The following EGLN1 variants were observed in gnomAD, a reference collection of about 807,000 sequenced individuals.
EGLN1 encodes egl-9 family hypoxia inducible factor 1.
A neutral mutation model predicts 38.3 loss-of-function variants in EGLN1; 17 were observed. That is an observed-to-expected ratio of 0.44 (90% CI 0.30 to 0.67). The LOEUF (loss-of-function observed/expected upper bound fraction) is 0.67. EGLN1 is among the 30% of genes least tolerant of loss of function. EGLN1 has a pLI of 0.08. For synonymous variants in EGLN1, 283 were observed against 257.5 expected, an observed-to-expected ratio of 1.10 and a Z score of -0.95; for missense variants, 477 against 603.3, an observed-to-expected ratio of 0.79 and a Z score of 2.19.
chr1:231,412,271 T>C (rs2790868), intron 1 of EGLN1, among the ~76,000 whole-genome samples: 5 of 152,156 alleles, frequency 3.3e-5, no homozygotes, highest in African/African-American at 1.2e-4. Context: ...CATACAGTCA[T>C]GTATTGATAA....
At chr1:231,393,038 T>C (rs934079110) in intron 1 of EGLN1, among the ~76,000 whole-genome samples, 2 of 152,224 alleles carry the variant, frequency 1.3e-5, no homozygotes, top group Non-Finnish European at 2.9e-5. Flanking sequence ...CCAGGATTTT[T>C]GTCAAAGCCC....
Position 231,388,333 on chromosome 1 carries a change from C to T in EGLN1, c.892-14234G>A, listed in dbSNP as rs191048372. ...TTTAAAATCTTGAAAAATATTCTCA[C>T]ATATGTGGTTGATAAGACGGTGAAA... On this transcript the variant is annotated intron_variant, in intron 1 of 4. Transcript: ENST00000366641. Among the ~76,000 whole-genome samples, 255 of 152,300 alleles carry T rather than the reference C, an allele frequency of 1.7e-3. 1 individual carries two copies. The highest frequency in any genetic ancestry group is 5.9e-3 in the African/African-American group (245 of 41,558).
intron 1 of EGLN1, among the ~76,000 whole-genome samples, chr1:231,384,856 G>A (rs910550848): frequency 2.6e-5 from 4 of 152,114 alleles, no homozygotes; most frequent in Non-Finnish European, 2.9e-5. Flanking sequence ...CCCCAACTCC[G>A]GTCTAGCAGC....
chr1:231,406,658 A>T (rs1688804266), intron 1 of EGLN1, among the ~76,000 whole-genome samples: 1 of 152,124 alleles, frequency 6.6e-6, no homozygotes, highest in East Asian at 1.9e-4. Flanking sequence ...ATGCTTAAAA[A>T]TGTTTAGTTT....
At position 231,370,540 on chromosome 1, in the gene EGLN1, T is replaced by A. The variant is rs546933852; in HGVS notation, c.1148+22A>T. The A allele has an allele frequency of 1.7e-5, 27 of 1,612,820 alleles. No individual in the cohort carries two copies. In the African/African-American group the frequency reaches 2.0e-4, roughly 12 times the overall value. Reference sequence around the variant, plus strand: ...CTGTCCTACCATACTCTAAACCAATTTTTTCTGAAAAGGAATACTACCTTG... The same window carrying A: ...CTGTCCTACCATACTCTAAACCAATATTTTCTGAAAAGGAATACTACCTTG... On this transcript the variant is annotated intron_variant, in intron 3 of 4. Transcript: ENST00000366641.
At chr1:231,375,945 T>C (rs1687947425) in intron 1 of EGLN1, among the ~76,000 whole-genome samples, 1 of 152,194 alleles carries the variant, frequency 6.6e-6, no homozygotes, top group African/African-American at 2.4e-5. Flanking sequence ...CCTTTCCAAC[T>C]ATCTGGTAAC....
rs747091749 is a variant in EGLN1, at chr1:231,366,372, A to G, written c.*39T>C. On this transcript the variant is annotated 3_prime_UTR_variant, in exon 5 of 5. Transcript: ENST00000366641. ...TTCACAAGTTAACAAATAGTTAACA[A>G]TATTGTAGGTGAAGTGGGGTATTGC... is the stretch of plus-strand genomic sequence containing the variant. 6.3e-7 allele frequency: 1 copy of G among 1,595,856 alleles called. No individual in the cohort carries two copies. Among genetic ancestry groups the G allele is most frequent in the Non-Finnish European group, 8.6e-7 (1 of 1,163,744 alleles).
At chr1:231,403,290 T>C (rs549537335) in intron 1 of EGLN1, among the ~76,000 whole-genome samples, 20 of 152,306 alleles carry the variant, frequency 1.3e-4, no homozygotes, top group East Asian at 7.8e-4. Flanking sequence ...TATATCCTTG[T>C]TGATTTCCTA....
chr1:231,389,453 AT>A lies in EGLN1; in HGVS notation c.892-15355del. 2.0e-5 allele frequency among the ~76,000 whole-genome samples: 3 copies of A among 152,332 alleles called. 1 individual carries two copies. The highest frequency in any genetic ancestry group is 4.4e-5 in the Non-Finnish European group (3 of 68,038). On this transcript the variant is annotated intron_variant, in intron 1 of 4. Coordinates refer to ENST00000366641, the MANE Select transcript of EGLN1 (RefSeq NM_022051.3). The stretch of plus-strand genomic sequence containing the variant: ...AAAAGTGGCCAAAATAGTGACAGCA[AT>A]ATCCAGCGAGTAACAGTGGCAATAA...
chr1:231,412,824 G>A (rs1390556307), intron 1 of EGLN1, among the ~76,000 whole-genome samples: 2 of 152,256 alleles, frequency 1.3e-5, no homozygotes, highest in African/African-American at 4.8e-5. Context: ...GGCAAGAGAA[G>A]AAAAGCAGAA....
chr1:231,412,301 A>G (rs192262079), intron 1 of EGLN1, among the ~76,000 whole-genome samples: 97 of 152,244 alleles, frequency 6.4e-4, no homozygotes, highest in African/African-American at 2.0e-3. Context: ...ACTATTTTTG[A>G]TATTTTACGG....
At chr1:231,400,313 A>G (rs1572040424) in intron 1 of EGLN1, among the ~76,000 whole-genome samples, 1 of 143,436 alleles carries the variant, frequency 7.0e-6, no homozygotes, top group Non-Finnish European at 1.6e-5. Flanking sequence ...GTATATATAT[A>G]TTTTCTCCAT....
Position 231,421,321 on chromosome 1 carries a change from C to A in EGLN1, c.568G>T (p.Ala190Ser), listed in dbSNP as rs780528085. 61 of 1,612,330 alleles carry A rather than the reference C, an allele frequency of 3.8e-5. No homozygotes were observed. Among genetic ancestry groups the A allele is most frequent in the Non-Finnish European group, 5.0e-5 (59 of 1,179,692 alleles). The change falls in exon 1 of 5, where the codon GCG (alanine) becomes TCG (serine). Residue 190 changes from alanine to serine, a missense_variant. Physicochemically the swap from Ala to Ser is moderately conservative, Grantham distance 99. This residue lies in a region of EGLN1 where 298 missense variants were observed against 288.9 expected (regional missense o/e 1.03). Transcript: ENST00000366641. The surrounding 1 kb of genome is among the most constrained non-coding windows in gnomAD (Gnocchi z 5.5). ...RPNGQTKPLPALKLALEYIVP... is the reference protein window; with the variant it reads ...RPNGQTKPLPSLKLALEYIVP... ...ATGTACTCGAGCGCCAGCTTCAGCG[C>A]CGGCAGGGGCTTCGTCTGCCCGTTG...
At chr1:231,399,730 C>T (rs910016174) in intron 1 of EGLN1, among the ~76,000 whole-genome samples, 1 of 151,924 alleles carries the variant, frequency 6.6e-6, no homozygotes. Context: ...AGATAACTTG[C>T]TAGCATCATA....
chr1:231,379,860 C>T (rs1180175026), intron 1 of EGLN1, among the ~76,000 whole-genome samples: 2 of 152,162 alleles, frequency 1.3e-5, no homozygotes, highest in Non-Finnish European at 2.9e-5. Flanking sequence ...TATTCAAGAA[C>T]CTGCTGTACT....
At chr1:231,367,980 G>A (rs772683589) in intron 3 of EGLN1, among the ~76,000 whole-genome samples, 6 of 151,992 alleles carry the variant, frequency 3.9e-5, no homozygotes, top group South Asian at 2.1e-4. Flanking sequence ...TCAGGACTTC[G>A]AGACCAACCT....
chr1:231,407,842 T>C (rs970843925), intron 1 of EGLN1, among the ~76,000 whole-genome samples: 1 of 151,998 alleles, frequency 6.6e-6, no homozygotes, highest in Admixed American at 6.6e-5. Flanking sequence ...AAATAGGGAC[T>C]AGAAACAGTA....
chr1:231,373,370 C>G (rs1687875834), intron 2 of EGLN1, among the ~76,000 whole-genome samples: 1 of 152,062 alleles, frequency 6.6e-6, no homozygotes, highest in Non-Finnish European at 1.5e-5. Flanking sequence ...AACAACTGTT[C>G]TCAGAAATGT....
rs757252799 is a variant in EGLN1 at position 231,364,414 on chromosome 1, T to C, written c.*1997A>G. ...GGCAAAGACAACTTGCGCTCCTGGG[T>C]TGGGCTGGCAGAGGCACTTACTGTA... On this transcript the variant is annotated 3_prime_UTR_variant, in exon 5 of 5. Transcript: ENST00000366641. The C allele has an allele frequency of 2.0e-5, 3 of 152,254 alleles. No individual in the cohort carries two copies. Among genetic ancestry groups the C allele is most frequent in the Admixed American group, 6.5e-5 (1 of 15,284 alleles). 9.4% of individuals were successfully genotyped at this position (152,254 alleles called of 1,614,324 possible). A position where few individuals can be genotyped will look rare whatever the true frequency, so the allele number is the denominator to read the frequency against.
Sources: allele counts gnomAD v4.1 joint callset (sites outside exome capture counted in the v4.1 genomes callset), GRCh38; gene constraint gnomAD v4.1.1; regional missense constraint gnomAD v4.1.1; non-coding constraint Gnocchi (gnomAD v3.1); transcripts MANE v1.5; gene names NCBI Gene and HGNC (gene_info 2026-07-23, HGNC 2026-07-21).